Variants in CHML observed in about 807,000 individuals in gnomAD.
CHML encodes the protein rab proteins geranylgeranyltransferase component A 2.
In CHML, 20 loss-of-function variants were observed where a neutral mutation model predicts 30.4. The ratio of observed to expected loss-of-function variants is 0.66; its 90% CI spans 0.46 to 0.95. The LOEUF is 0.95. CHML is among the 40% of genes least tolerant of loss of function. CHML has a pLI of 0.00. For missense variants in CHML, 795 were observed against 768.5 expected (o/e 1.03, Z -0.41); for synonymous variants, 281 against 275.0 (o/e 1.02, Z -0.22).
chr1:241,633,953 T>G lies in CHML; in HGVS notation c.1814A>C (p.Glu605Ala), dbSNP rs912333621. ...TLFQEIFPTE[E>A]FCPPPPNPED... ...TGGATTTGGAGGTGGAGGGCAGAAT[T>G]CTTCAGTTGGAAAGATCTCCTGGAA... is the stretch of plus-strand genomic sequence containing the variant. The change falls in exon 2 of 2, where the codon GAA (glutamate) becomes GCA (alanine). Residue 605 changes from glutamate (E) to alanine (A), a missense_variant. Coordinates refer to ENST00000366553, the MANE Select transcript of CHML (RefSeq NM_001381853.1). 2 of 1,613,786 alleles carry G rather than the reference T, an allele frequency of 1.2e-6. No homozygotes were observed. The highest frequency in any genetic ancestry group is 2.7e-5 in the African/African-American group (2 of 74,890).
At chr1:241,636,167 C>A (rs1216228005) in intron 1 of CHML, 94 bp from the exon 2 acceptor site, 1 of 406,086 alleles carries the variant, frequency 2.5e-6, no homozygotes, top group Admixed American at 4.1e-5. Context: ...AGTGTGACAT[C>A]TTATTTGGAC....
intron 1 of CHML, among the ~76,000 whole-genome samples, chr1:241,637,476 C>G (rs1227190517): frequency 6.6e-6 from 1 of 152,198 alleles, no homozygotes; most frequent in African/African-American, 2.4e-5. Context: ...GTCTGAATTA[C>G]TTATTCTGCT....
rs1191121395 is a variant in CHML, at chr1:241,640,004, CTGA to C, written c.-433_-431del. On this transcript the variant is annotated 5_prime_UTR_variant, in exon 1 of 2. Coordinates refer to ENST00000366553, the MANE Select transcript of CHML (RefSeq NM_001381853.1). ...GAGGGACACCAGCAGGTCGCTGAGG[CTGA>C]TGTTGACCAGGAGGAGGTGAGTGGG... 4.3e-6 allele frequency: 7 copies of C among 1,613,166 alleles called. No homozygotes were observed. Among genetic ancestry groups the C allele is most frequent in the Non-Finnish European group, 2.5e-6 (3 of 1,179,692 alleles).
At chr1:241,636,207 G>T in intron 1 of CHML, 134 bp from the exon 2 acceptor site, 1 of 395,326 alleles carries the variant, frequency 2.5e-6, no homozygotes, top group Non-Finnish European at 4.5e-6. Flanking sequence ...TGTCTTAAAT[G>T]CTTTCTCACA....
rs1266658780 is a variant in CHML, at chr1:241,639,997, G to T, written c.-423C>A. 3 of 1,613,076 alleles carry T rather than the reference G, an allele frequency of 1.9e-6. No homozygotes were observed. Among genetic ancestry groups the T allele is most frequent in the Non-Finnish European group, 2.5e-6 (3 of 1,179,586 alleles). On this transcript the variant is annotated 5_prime_UTR_variant, in exon 1 of 2. Coordinates refer to ENST00000366553, the MANE Select transcript of CHML (RefSeq NM_001381853.1). ...CCCCGAAGAGGGACACCAGCAGGTC[G>T]CTGAGGCTGATGTTGACCAGGAGGA...
rs758209578 is a variant in CHML, at chr1:241,640,159, G to A, written c.-585C>T. On this transcript the variant is annotated 5_prime_UTR_variant, in exon 1 of 2. Coordinates refer to ENST00000366553, the MANE Select transcript of CHML (RefSeq NM_001381853.1). ...AGGTGCCGGGGCTGAAGAGGGGCGC[G>A]GGGCTCAGTGTCCCCGCCGGCGCCG... is the stretch of plus-strand genomic sequence containing the variant. 3 of 1,503,718 alleles carry A rather than the reference G, an allele frequency of 2.0e-6. No individual in the cohort carries two copies. The highest frequency in any genetic ancestry group is 2.7e-6 in the Non-Finnish European group (3 of 1,129,392). The allele number at this position is 1,503,718 out of a possible 1,614,324, so 93.1% of individuals were successfully genotyped here.
At position 241,633,873 on chromosome 1, in the gene CHML, T is replaced by G. The variant is rs144022344; in HGVS notation, c.1894A>C (p.Asn632His). Residue 632 changes from asparagine (N) to histidine (H), a missense_variant, in exon 2 of 2, where the codon AAT (asparagine) becomes CAT (histidine). Asn to His is a moderately conservative substitution (Grantham distance 68). Coordinates refer to ENST00000366553, the MANE Select transcript of CHML (RefSeq NM_001381853.1). The stretch of plus-strand genomic sequence containing the variant: ...GATTCTAGTTTGGCCATTACTACAT[T>G]ATTGGTTCCAGGAGCCTCTGGCTGC... ...DKQPEAPGTN[N>H]VVMAKLESSE... 3.5e-5 allele frequency: 57 copies of G among 1,613,888 alleles called. No individual in the cohort carries two copies. The African/African-American group carries it at 7.1e-4, about 20-fold the overall frequency.
rs746475526 is a variant in CHML, at chr1:241,640,089, C to A, written c.-515G>T. 63 of 1,609,840 alleles carry A rather than the reference C, an allele frequency of 3.9e-5. No individual in the cohort carries two copies. The highest frequency in any genetic ancestry group is 5.1e-5 in the Non-Finnish European group (60 of 1,178,496). On this transcript the variant is annotated 5_prime_UTR_variant, in exon 1 of 2. Coordinates refer to ENST00000366553, the MANE Select transcript of CHML (RefSeq NM_001381853.1). The stretch of plus-strand genomic sequence containing the variant: ...ACGAGCACCAGCAGGTTGTTGCCGA[C>A]GCCCAGCAGCCCAATGGAGCCCAGC...
Position 241,635,544 on chromosome 1 carries a change from C to CA in CHML, c.222dup (p.Val75CysfsTer8), listed in dbSNP as rs1558448281. ...GTTTCATGGATCAGGTCCTGCCATA[C>CA]AACAGTACTTTCTTCCCCAATGTCA... is the stretch of plus-strand genomic sequence containing the variant. On this transcript the variant is annotated frameshift_variant, in exon 2 of 2. Coordinates refer to ENST00000366553, the MANE Select transcript of CHML (RefSeq NM_001381853.1). LOFTEE classifies it high-confidence loss of function. The CA allele has an allele frequency of 6.2e-7, 1 of 1,614,076 alleles. No homozygotes were observed. Among genetic ancestry groups the CA allele is most frequent in the East Asian group, 2.2e-5 (1 of 44,884 alleles).
Position 241,635,968 on chromosome 1 carries a change from T to G in CHML, c.-202A>C. 1 of 570,966 alleles carries G rather than the reference T, an allele frequency of 1.8e-6. No homozygotes were observed. Among genetic ancestry groups the G allele is most frequent in the Admixed American group, 3.5e-5 (1 of 28,228 alleles). 35.4% of individuals were successfully genotyped at this position (570,966 alleles called of 1,614,324 possible). A position where few individuals can be genotyped will look rare whatever the true frequency, so the allele number is the denominator to read the frequency against. On this transcript the variant is annotated 5_prime_UTR_variant, in exon 2 of 2. The change abolishes the stop of an existing upstream ORF in the 5' untranslated region. Coordinates refer to ENST00000366553, the MANE Select transcript of CHML (RefSeq NM_001381853.1). ...TAAAAACATGAGCAAGTACATCTAA[T>G]CACATCTGAGAATACTAAAATGGAT...
At position 241,633,659 on chromosome 1, in the gene CHML, A is replaced by C. The variant is rs1453411361; in HGVS notation, c.*137T>G. On this transcript the variant is annotated 3_prime_UTR_variant, in exon 2 of 2. Transcript: ENST00000366553. ...AAAGATATTCAATGCTGAATGTCTGAGAGTTAAAGACAACATCTGCATAGC... is the reference window on the plus strand; with the variant it reads ...AAAGATATTCAATGCTGAATGTCTGCGAGTTAAAGACAACATCTGCATAGC... 2.4e-6 allele frequency: 2 copies of C among 848,064 alleles called. No individual in the cohort carries two copies. Among genetic ancestry groups the C allele is most frequent in the South Asian group, 3.3e-5 (2 of 59,836 alleles). 52.5% of individuals were successfully genotyped at this position (848,064 alleles called of 1,614,324 possible).
chr1:241,640,337 G>A lies in CHML; in HGVS notation c.-763C>T, dbSNP rs183350084. 1.9e-6 allele frequency: 2 copies of A among 1,068,400 alleles called. No homozygotes were observed. Among genetic ancestry groups the A allele is most frequent in the African/African-American group, 1.7e-5 (1 of 58,858 alleles). 66.2% of individuals were successfully genotyped at this position (1,068,400 alleles called of 1,614,324 possible). On this transcript the variant is annotated 5_prime_UTR_variant, in exon 1 of 2. Transcript: ENST00000366553. The stretch of plus-strand genomic sequence containing the variant: ...GCGCGCTCCGCACTGGGTGGGGTTG[G>A]GGCTCCGCCGCCTGCTCTAGCCATT...
Position 241,640,168 on chromosome 1 carries a change from T to C in CHML, c.-594A>G. ...GGCTGAAGAGGGGCGCGGGGCTCAGTGTCCCCGCCGGCGCCGGCCCCTCAG... is the reference window on the plus strand; with the variant it reads ...GGCTGAAGAGGGGCGCGGGGCTCAGCGTCCCCGCCGGCGCCGGCCCCTCAG... On this transcript the variant is annotated 5_prime_UTR_variant, in exon 1 of 2. Transcript: ENST00000366553. 1.4e-6 allele frequency: 2 copies of C among 1,445,442 alleles called. No individual in the cohort carries two copies. The highest frequency in any genetic ancestry group is 1.4e-5 in the South Asian group (1 of 69,494). 89.5% of individuals were successfully genotyped at this position (1,445,442 alleles called of 1,614,324 possible).
rs368558008 is a variant in CHML at position 241,633,766 on chromosome 1, T to C, written c.*30A>G. ...GAAAATTCTGATGCCATGAAGGAGGTCCAAAACAGCATTTCGAGATTGCTC... is the reference window on the plus strand; with the variant it reads ...GAAAATTCTGATGCCATGAAGGAGGCCCAAAACAGCATTTCGAGATTGCTC... On this transcript the variant is annotated 3_prime_UTR_variant, in exon 2 of 2. Transcript: ENST00000366553. The C allele has an allele frequency of 5.8e-5, 94 of 1,609,990 alleles. No homozygotes were observed. The African/African-American group carries it at 1.1e-3, about 19-fold the overall frequency.
Position 241,640,038 on chromosome 1 carries a change from G to T in CHML, c.-464C>A, listed in dbSNP as rs1328966319. ...ACCAGGAGGAGGTGAGTGGGAGTGCGGAGCCGCTGGAACTTGTAGTAGAGG... is the reference window on the plus strand; with the variant it reads ...ACCAGGAGGAGGTGAGTGGGAGTGCTGAGCCGCTGGAACTTGTAGTAGAGG... On this transcript the variant is annotated 5_prime_UTR_variant, in exon 1 of 2. Transcript: ENST00000366553. 3.1e-6 allele frequency: 5 copies of T among 1,613,188 alleles called. No homozygotes were observed. The African/African-American group carries it at 4.0e-5, about 13-fold the overall frequency.
At position 241,633,842 on chromosome 1, in the gene CHML, T is replaced by C. The variant is rs1439863141; in HGVS notation, c.1925A>G (p.Glu642Gly). 1 of 1,613,894 alleles carries C rather than the reference T, an allele frequency of 6.2e-7. No homozygotes were observed. The highest frequency in any genetic ancestry group is 2.2e-5 in the East Asian group (1 of 44,882). Residue 642 changes from glutamate (E) to glycine (G), a missense_variant, in exon 2 of 2, where the codon GAG becomes GGG. Physicochemically the swap from Glu to Gly is moderately conservative, Grantham distance 98. Transcript: ENST00000366553. Reference protein sequence around the residue: ...NVVMAKLESSEESKNLESPEK... With the variant: ...NVVMAKLESSGESKNLESPEK... Reference sequence around the variant, plus strand: ...TGGGCTTTCTAGGTTTTTGCTTTCCTCAGAGGATTCTAGTTTGGCCATTAC... The same window carrying C: ...TGGGCTTTCTAGGTTTTTGCTTTCCCCAGAGGATTCTAGTTTGGCCATTAC...
intron 1 of CHML, among the ~76,000 whole-genome samples, chr1:241,637,912 T>C (rs567104555): frequency 1.3e-5 from 2 of 152,262 alleles, no homozygotes; most frequent in Admixed American, 1.3e-4. Flanking sequence ...TTTAACTTCC[T>C]CCCCTTCAAT....
Position 241,634,564 on chromosome 1 carries a change from AC to A in CHML, c.1202del (p.Cys401PhefsTer10). 1 of 1,613,880 alleles carries A rather than the reference AC, an allele frequency of 6.2e-7. No homozygotes were observed. The highest frequency in any genetic ancestry group is 8.5e-7 in the Non-Finnish European group (1 of 1,179,878). On this transcript the variant is annotated frameshift_variant, in exon 2 of 2. Transcript: ENST00000366553. LOFTEE classifies it high-confidence loss of function. ...CAAAGCATTGTACTTTATGACGAAG[AC>A]AATAGATTCCACCAAAAACTGCACA... ...RMCAVFGGIY[C>X]LRHKVQCFVV...
In CHML at chr1:241,630,843, T is replaced by C. The variant is rs191325541; in HGVS notation, c.*2953A>G. The C allele has an allele frequency of 6.6e-6, 1 of 152,258 alleles. No homozygotes were observed. The highest frequency in any genetic ancestry group is 1.9e-4 in the East Asian group (1 of 5,190). 9.4% of individuals were successfully genotyped at this position (152,258 alleles called of 1,614,324 possible). A position where few individuals can be genotyped will look rare whatever the true frequency, so the allele number is the denominator to read the frequency against. On this transcript the variant is annotated 3_prime_UTR_variant, in exon 2 of 2. Transcript: ENST00000366553. ...ATACTTTGGATTTTACTATTTGTTC[T>C]TTTGATGCTGATTTAATGGCTGTTC...
Sources: allele counts gnomAD v4.1 joint callset (sites outside exome capture counted in the v4.1 genomes callset), GRCh38; gene constraint gnomAD v4.1.1; transcripts MANE v1.5; gene names NCBI Gene and HGNC (gene_info 2026-07-23, HGNC 2026-07-21).